Variants in KCNN2 observed in about 807,000 individuals in gnomAD.
KCNN2 encodes the protein potassium calcium-activated channel subfamily N member 2.
In KCNN2, 24 loss-of-function variants were observed where a neutral mutation model predicts 55.5. The ratio of observed to expected loss-of-function variants is 0.43; its 90% CI spans 0.31 to 0.61. The LOEUF (loss-of-function observed/expected upper bound fraction) is 0.61, where lower values mean the gene tolerates loss of function less well. Ranked by LOEUF, KCNN2 falls within the 20% of genes least tolerant of loss-of-function variation. The pLI, the probability that KCNN2 is intolerant of heterozygous loss-of-function variation, is 0.08. For synonymous variants in KCNN2, 431 were observed against 336.1 expected (o/e 1.28, Z -3.09); for missense variants, 754 against 853.6 (o/e 0.88, Z 1.45).
chr5:114,081,460 G>C (rs972280800), intron 1 of KCNN2, among the ~76,000 whole-genome samples: 1 of 152,134 alleles, frequency 6.6e-6, no homozygotes, highest in Non-Finnish European at 1.5e-5. Context: ...GAATAGAATA[G>C]AGCCCAGAAA....
intron 1 of KCNN2, among the ~76,000 whole-genome samples, chr5:114,060,169 G>A (rs971102425): frequency 1.3e-5 from 2 of 152,198 alleles, no homozygotes; most frequent in African/African-American, 4.8e-5. Context: ...CACTTAGCCT[G>A]CATGTGGGTT....
intron 2 of KCNN2, among the ~76,000 whole-genome samples, chr5:114,291,185 T>A (rs575306200): frequency 1.6e-4 from 21 of 130,568 alleles, no homozygotes; most frequent in African/African-American, 4.8e-4. Flanking sequence ...TGAGCTTTTT[T>A]ATTTTATTTT....
At chr5:114,177,502 T>C (rs2112549713) in intron 1 of KCNN2, among the ~76,000 whole-genome samples, 1 of 151,916 alleles carries the variant, frequency 6.6e-6, no homozygotes, top group African/African-American at 2.4e-5. Flanking sequence ...TATATCCATA[T>C]ATATATATAT....
intron 1 of KCNN2, among the ~76,000 whole-genome samples, chr5:114,081,026 G>T (rs906497367): frequency 3.3e-5 from 5 of 151,994 alleles, no homozygotes; most frequent in Non-Finnish European, 7.4e-5. Flanking sequence ...TTGAATTTCT[G>T]TATACTAATA....
intron 2 of KCNN2, among the ~76,000 whole-genome samples, chr5:114,369,704 G>A (rs1757707991): frequency 6.6e-6 from 1 of 152,114 alleles, no homozygotes; most frequent in African/African-American, 2.4e-5. Context: ...AATCACTCAG[G>A]ACTAATTTTC....
In KCNN2 at chr5:114,156,418, G is replaced by C. The variant is rs535555904; in HGVS notation, c.-270-65062G>C. ...AAATAGTTTTTCCTAGTTCTGTGAA[G>C]AATGTCAATGGTAGTTTAATGGGAG... On this transcript the variant is annotated intron_variant, in intron 1 of 10. Coordinates refer to the KCNN2 transcript ENST00000512097. 2.0e-5 allele frequency among the ~76,000 whole-genome samples: 3 copies of C among 152,254 alleles called. No individual in the cohort carries two copies. In the South Asian group the frequency reaches 6.2e-4, roughly 32 times the overall value.
At chr5:114,089,298 A>G (rs1018425353) in intron 1 of KCNN2, among the ~76,000 whole-genome samples, 22 of 152,230 alleles carry the variant, frequency 1.4e-4, no homozygotes, top group Middle Eastern at 3.4e-3. Flanking sequence ...TAGAATAGCC[A>G]TTATCACAGG....
intron 5 of KCNN2, among the ~76,000 whole-genome samples, chr5:114,476,547 T>G (rs1232447623): frequency 6.6e-6 from 1 of 151,418 alleles, no homozygotes; most frequent in Non-Finnish European, 1.5e-5. Context: ...GCCCCCCAAA[T>G]AGCTGGGATT....
intron 2 of KCNN2, among the ~76,000 whole-genome samples, chr5:114,337,895 A>C (rs577203249): frequency 6.6e-6 from 1 of 152,344 alleles, no homozygotes; most frequent in Admixed American, 6.5e-5. Context: ...TTAGGCAAAA[A>C]ACCATAATGC....
At chr5:114,286,065 A>T (rs2061329) in intron 2 of KCNN2, among the ~76,000 whole-genome samples, 1 of 151,524 alleles carries the variant, frequency 6.6e-6, no homozygotes, top group Non-Finnish European at 1.5e-5. Context: ...GATTACAGGC[A>T]TGTGCCACCA....
At chr5:114,298,123 T>C (rs1420447651) in intron 2 of KCNN2, among the ~76,000 whole-genome samples, 1 of 152,220 alleles carries the variant, frequency 6.6e-6, no homozygotes, top group Non-Finnish European at 1.5e-5. Flanking sequence ...ATGCTGTTAT[T>C]ATCATCATCT....
rs199853393 is a variant in KCNN2 at position 114,298,109 on chromosome 5, C to A, written c.-184-62836C>A. On this transcript the variant is annotated intron_variant, in intron 2 of 10. Transcript: ENST00000512097. Reference sequence around the variant, plus strand: ...ATACTAAGTAAGTGCTCCGTAGATGCTAGATGCTGTTATTATCATCATCTA... The same window carrying A: ...ATACTAAGTAAGTGCTCCGTAGATGATAGATGCTGTTATTATCATCATCTA... 1.8e-4 allele frequency among the ~76,000 whole-genome samples: 28 copies of A among 152,328 alleles called. No individual in the cohort carries two copies. The East Asian group carries it at 5.0e-3, about 27-fold the overall frequency.
Position 114,493,392 on chromosome 5 carries a change from C to T in KCNN2, c.2019-11C>T, listed in dbSNP as rs1308916367. Reference sequence around the variant, plus strand: ...AAGGGAACCTTTCTGATACCAGATTCTATCTTTTAGATTAAGAAGTGTAAA... The same window carrying T: ...AAGGGAACCTTTCTGATACCAGATTTTATCTTTTAGATTAAGAAGTGTAAA... On this transcript the variant is annotated splice_polypyrimidine_tract_variant and intron_variant, in intron 6 of 7. Transcript: ENST00000673685. 1 of 1,532,704 alleles carries T rather than the reference C, an allele frequency of 6.5e-7. No individual in the cohort carries two copies. Among genetic ancestry groups the T allele is most frequent in the Non-Finnish European group, 9.0e-7 (1 of 1,105,596 alleles). The allele number at this position is 1,532,704 out of a possible 1,614,324, so 94.9% of individuals were successfully genotyped here. A position where few individuals can be genotyped will look rare whatever the true frequency, so the allele number is the denominator to read the frequency against.
intron 3 of KCNN2, among the ~76,000 whole-genome samples, chr5:114,428,034 G>A (rs1041518532): frequency 3.8e-4 from 58 of 152,108 alleles, no homozygotes; most frequent in African/African-American, 1.3e-3. Flanking sequence ...GTAATACCTC[G>A]GGCCTGTTCT....
rs767949689 is a variant in KCNN2, at chr5:114,085,080, A to G, written c.-271+28580A>G. ...TATATATATATATATGTGTGTGTCT[A>G]TTCTTTAGCTAGTACCGTGCTGTCT... is the stretch of plus-strand genomic sequence containing the variant. On this transcript the variant is annotated intron_variant, in intron 1 of 10. Coordinates refer to the KCNN2 transcript ENST00000512097. Among the ~76,000 whole-genome samples, 25 of 151,018 alleles carry G rather than the reference A, an allele frequency of 1.7e-4. No individual in the cohort carries two copies. The South Asian group carries it at 2.1e-3, about 13-fold the overall frequency.
intron 2 of KCNN2, among the ~76,000 whole-genome samples, chr5:114,310,016 G>T (rs953052639): frequency 6.6e-6 from 1 of 152,170 alleles, no homozygotes; most frequent in African/African-American, 2.4e-5. Flanking sequence ...TCAAGTTGCA[G>T]GACCTAACCC....
chr5:114,308,013 A>G (rs1013046740), intron 2 of KCNN2, among the ~76,000 whole-genome samples: 90 of 152,130 alleles, frequency 5.9e-4, no homozygotes, highest in African/African-American at 2.1e-3. Flanking sequence ...ATACACATAT[A>G]TATGTATATG....
At chr5:114,421,384 G>A (rs908136666) in intron 3 of KCNN2, among the ~76,000 whole-genome samples, 2 of 152,002 alleles carry the variant, frequency 1.3e-5, no homozygotes, top group African/African-American at 4.8e-5. Context: ...ACCACCTCTT[G>A]GGTTCAAGTG....
At chr5:114,139,602 A>C (rs1363113094) in intron 1 of KCNN2, among the ~76,000 whole-genome samples, 1 of 150,022 alleles carries the variant, frequency 6.7e-6, no homozygotes, top group South Asian at 2.1e-4. Flanking sequence ...TATACTCTAT[A>C]TAATATATAA....
Sources: gnomAD v4.1 joint callset for allele counts (sites outside exome capture counted in the v4.1 genomes callset) on GRCh38, gnomAD v4.1.1 for gene constraint, MANE v1.5 for transcripts, NCBI Gene and HGNC (gene_info 2026-07-23, HGNC 2026-07-21) for gene names.